The following ADAMTS17 variants were observed in gnomAD, a reference collection of about 807,000 sequenced individuals.
ADAMTS17 encodes ADAM metallopeptidase with thrombospondin type 1 motif 17.
Under a neutral mutation model 141.5 loss-of-function variants are expected in ADAMTS17, and 113 were observed. The observed-to-expected ratio is 0.80, with a 90% confidence interval of 0.69 to 0.93. ADAMTS17 has a LOEUF of 0.93. Among genes scored for constraint, ADAMTS17 ranks in the 40% least tolerant of loss-of-function variants. ADAMTS17 has a pLI of 0.00. For missense variants in ADAMTS17, 1,659 were observed against 1,517.9 expected (o/e 1.09, Z -1.54); for synonymous variants, 768 against 630.6 (o/e 1.22, Z -3.27).
At chr15:100,263,761 C>G in intron 4 of ADAMTS17, among the ~76,000 whole-genome samples, 1 of 152,356 alleles carries the variant, frequency 6.6e-6, no homozygotes, top group East Asian at 1.9e-4. Flanking sequence ...AAATATTCTA[C>G]TTGGTTTTTA....
rs115965011 is a variant in ADAMTS17 at position 100,290,624 on chromosome 15, A to G, written c.617-9223T>C. 7.2e-3 allele frequency among the ~76,000 whole-genome samples: 1,102 copies of G among 152,334 alleles called. 10 individuals carry two copies. The highest frequency in any genetic ancestry group is 0.022 in the African/African-American group (904 of 41,576). On this transcript the variant is annotated intron_variant, in intron 3 of 21. Transcript: ENST00000268070. ...CTTTACATACTACAAGGCTAGAGTA[A>G]CCAAAACAGCATGGCACTTGTACAA...
intron 7 of ADAMTS17, among the ~76,000 whole-genome samples, chr15:100,220,315 T>A (rs930311338): frequency 6.6e-6 from 1 of 152,168 alleles, no homozygotes; most frequent in Admixed American, 6.6e-5. Flanking sequence ...AATAAATCCA[T>A]CCTAAGTGGG....
intron 7 of ADAMTS17, among the ~76,000 whole-genome samples, chr15:100,235,223 G>A (rs957079557): frequency 1.3e-5 from 2 of 152,138 alleles, no homozygotes; most frequent in Non-Finnish European, 2.9e-5. Context: ...AGGATTCCAT[G>A]TGCTAGAAAA....
chr15:100,277,682 G>A (rs991883079), intron 4 of ADAMTS17, among the ~76,000 whole-genome samples: 2 of 152,196 alleles, frequency 1.3e-5, no homozygotes, highest in Non-Finnish European at 1.5e-5. Context: ...TTGTGCACAC[G>A]AGGAACACGG....
At chr15:100,331,147 T>G in intron 2 of ADAMTS17, 93 bp from the exon 3 acceptor site, 1 of 1,522,998 alleles carries the variant, frequency 6.6e-7, no homozygotes, top group South Asian at 1.2e-5. Context: ...CACCTTGCTG[T>G]GATTTGGTTT....
chr15:100,032,442 C>A (rs768126854), intron 18 of ADAMTS17, among the ~76,000 whole-genome samples: 1 of 152,194 alleles, frequency 6.6e-6, no homozygotes, highest in Non-Finnish European at 1.5e-5. Context: ...AGCCAGAAAA[C>A]CAACTAACTA....
At chr15:100,045,264 T>C (rs1319707337) in intron 18 of ADAMTS17, among the ~76,000 whole-genome samples, 1 of 152,220 alleles carries the variant, frequency 6.6e-6, no homozygotes, top group Admixed American at 6.5e-5. Context: ...TAATCTTAAA[T>C]ATTTTATAAA....
In ADAMTS17 at chr15:99,993,107, C is replaced by T. The variant is rs145482150; in HGVS notation, c.2890G>A (p.Glu964Lys). The T allele has an allele frequency of 1.5e-4, 239 of 1,614,150 alleles. No individual in the cohort carries two copies. Among genetic ancestry groups the T allele is most frequent in the East Asian group, 1.5e-3 (66 of 44,862 alleles). Residue 964 changes from glutamate to lysine, a missense_variant, in exon 20 of 22, where the codon GAG becomes AAG. Transcript: ENST00000268070. The surrounding 1 kb of genome is among the most constrained non-coding windows in gnomAD (Gnocchi z 4.3). ...KCDASTRPRAEEACEDYSGCY... is the reference protein window; with the variant it reads ...KCDASTRPRAKEACEDYSGCY... ...CCTGAGTAGTCCTCGCAGGCCTCCT[C>T]GGCTCTCGGCCTCGTGGATGCGTCG...
chr15:100,117,837 C>T (rs997288849), intron 12 of ADAMTS17, among the ~76,000 whole-genome samples: 8 of 152,176 alleles, frequency 5.3e-5, no homozygotes, highest in African/African-American at 1.4e-4. Flanking sequence ...TCCCACCCCT[C>T]GCACTTTTTA....
At chr15:100,089,200 GA>G (rs1424565167) in intron 15 of ADAMTS17, among the ~76,000 whole-genome samples, 3 of 149,102 alleles carry the variant, frequency 2.0e-5, no homozygotes, top group Non-Finnish European at 4.4e-5. Context: ...CTTCTCAAAA[GA>G]AGACATTTAT....
chr15:99,983,651 G>T (rs1251591485), intron 20 of ADAMTS17, among the ~76,000 whole-genome samples: 1 of 152,170 alleles, frequency 6.6e-6, no homozygotes, highest in African/African-American at 2.4e-5. Flanking sequence ...CTGCAGAGTG[G>T]CCCAGGCAGG....
chr15:100,270,272 T>C (rs2043859897), intron 4 of ADAMTS17, among the ~76,000 whole-genome samples: 1 of 152,212 alleles, frequency 6.6e-6, no homozygotes, highest in Admixed American at 6.5e-5. Flanking sequence ...GGTGCAGTTT[T>C]TCTTTTTAAC....
Position 100,072,485 on chromosome 15 carries a change from C to G in ADAMTS17, c.2138-18431G>C, listed in dbSNP as rs948935545. On this transcript the variant is annotated intron_variant, in intron 15 of 21. Transcript: ENST00000268070. ...GCCAAAAGAACAAAGCTGGAGGCAT[C>G]ACGCTACCTGACTTCAAACTATACT... Among the ~76,000 whole-genome samples, 179 of 151,852 alleles carry G rather than the reference C, an allele frequency of 1.2e-3. 1 individual carries two copies. Among genetic ancestry groups the G allele is most frequent in the African/African-American group, 4.2e-3 (172 of 41,352 alleles).
intron 13 of ADAMTS17, among the ~76,000 whole-genome samples, chr15:100,113,488 T>C (rs764806902): frequency 4.6e-5 from 7 of 152,300 alleles, no homozygotes; most frequent in Non-Finnish European, 7.4e-5. Context: ...GTTGATGCAC[T>C]GTCATTACCT....
At chr15:99,974,754 C>T (rs563962465) in intron 21 of ADAMTS17, among the ~76,000 whole-genome samples, 192 bp from the exon 22 acceptor site, 1 of 152,374 alleles carries the variant, frequency 6.6e-6, no homozygotes, top group South Asian at 2.1e-4. Context: ...AGGGATGCAC[C>T]TTTGCATCCA....
intron 10 of ADAMTS17, among the ~76,000 whole-genome samples, chr15:100,139,996 T>TTTA (rs577524591): frequency 1.6e-3 from 242 of 152,114 alleles, no homozygotes; most frequent in African/African-American, 5.4e-3. Context: ...TTTATTTTTG[T>TTTA]TTTTTATTTT....
chr15:100,325,000 C>A (rs1407464785), intron 3 of ADAMTS17, among the ~76,000 whole-genome samples: 3 of 152,208 alleles, frequency 2.0e-5, no homozygotes, highest in Non-Finnish European at 4.4e-5. Flanking sequence ...GACCAGCCAA[C>A]GATGGTGTCT....
intron 8 of ADAMTS17, among the ~76,000 whole-genome samples, chr15:100,187,748 G>C (rs1264937870): frequency 6.6e-6 from 1 of 152,154 alleles, no homozygotes; most frequent in Non-Finnish European, 1.5e-5. Context: ...CTTCACACAT[G>C]GTCCCTGGCA....
At chr15:100,098,476 G>A (rs768331305) in intron 14 of ADAMTS17, among the ~76,000 whole-genome samples, 9 of 152,016 alleles carry the variant, frequency 5.9e-5, no homozygotes, top group African/African-American at 1.2e-4. Context: ...GTGAAACCCC[G>A]TCTCTACTAA....
Sources: gnomAD v4.1 joint callset for allele counts (sites outside exome capture counted in the v4.1 genomes callset) on GRCh38, gnomAD v4.1.1 for gene constraint, Gnocchi (gnomAD v3.1) non-coding constraint, MANE v1.5 for transcripts, NCBI Gene and HGNC (gene_info 2026-07-23, HGNC 2026-07-21) for gene names.